Variants in PDZRN4 observed in about 807,000 individuals in gnomAD.
PDZRN4 encodes the protein PDZ domain containing ring finger 4.
A neutral mutation model predicts 99.0 loss-of-function variants in PDZRN4; 70 were observed. The ratio of observed to expected loss-of-function variants is 0.71; its 90% confidence interval spans 0.58 to 0.86. The LOEUF is 0.86. Among genes scored for constraint, PDZRN4 ranks in the 40% least tolerant of loss-of-function variants. PDZRN4 has a pLI of 0.00. For synonymous variants in PDZRN4, 551 were observed against 501.6 expected (o/e 1.10, Z -1.32); for missense variants, 1,474 against 1,331.2 (o/e 1.11, Z -1.67).
chr12:41,509,649 AG>A, intron 4 of PDZRN4, 161 bp from the exon 5 acceptor site: 1 of 455,138 alleles, frequency 2.2e-6, no homozygotes, highest in Non-Finnish European at 3.9e-6. Context: ...AGAGGGAGAA[AG>A]AAAAGCTATT....
chr12:41,198,917 A>T (rs925508646), intron 3 of PDZRN4, among the ~76,000 whole-genome samples: 17 of 152,116 alleles, frequency 1.1e-4, no homozygotes, highest in Non-Finnish European at 2.2e-4. Context: ...TATTTCTGTA[A>T]TGTTATACCT....
At chr12:41,312,356 C>A (rs765577972) in intron 3 of PDZRN4, among the ~76,000 whole-genome samples, 1 of 151,702 alleles carries the variant, frequency 6.6e-6, no homozygotes. Flanking sequence ...ATGTGGCAAA[C>A]GTTGGGTTTG....
intron 3 of PDZRN4, among the ~76,000 whole-genome samples, chr12:41,434,773 C>G (rs1474973319): frequency 6.6e-6 from 1 of 152,120 alleles, no homozygotes; most frequent in Admixed American, 6.5e-5. Context: ...AGTTTATTTT[C>G]TAAGGATACT....
chr12:41,413,686 A>G (rs371179667), intron 3 of PDZRN4, among the ~76,000 whole-genome samples: 2 of 152,198 alleles, frequency 1.3e-5, no homozygotes, highest in East Asian at 1.9e-4. Flanking sequence ...TTTTTAAATT[A>G]AAAATGAGTC....
At chr12:41,219,306 T>A (rs967286535) in intron 3 of PDZRN4, among the ~76,000 whole-genome samples, 2 of 152,018 alleles carry the variant, frequency 1.3e-5, no homozygotes, top group Admixed American at 1.3e-4. Context: ...ATTTTGATGA[T>A]TGAGTAGGAG....
intron 3 of PDZRN4, among the ~76,000 whole-genome samples, chr12:41,217,336 A>G (rs1950927913): frequency 6.6e-6 from 1 of 152,142 alleles, no homozygotes; most frequent in South Asian, 2.1e-4. Flanking sequence ...CCTTATTTTA[A>G]TGCTCTGCTG....
chr12:41,296,946 A>T (rs1951499190), intron 3 of PDZRN4, among the ~76,000 whole-genome samples: 1 of 152,184 alleles, frequency 6.6e-6, no homozygotes, highest in Non-Finnish European at 1.5e-5. Context: ...CAAGAGAGCA[A>T]GACCCTGACT....
At chr12:41,443,617 C>G (rs1310814906) in intron 3 of PDZRN4, among the ~76,000 whole-genome samples, 2 of 152,062 alleles carry the variant, frequency 1.3e-5, no homozygotes, top group African/African-American at 4.8e-5. Context: ...AGCAAGACTA[C>G]AACAAGCGAA....
Position 41,394,648 on chromosome 12 carries a change from C to T in PDZRN4, c.844-111808C>T, listed in dbSNP as rs577119046. ...GGGAGATTTTGCTTCCACAGTCACT[C>T]ATGTGGTTGTTAGAGGTCTTAGTTC... On this transcript the variant is annotated intron_variant, in intron 3 of 9. Transcript: ENST00000402685. Among the ~76,000 whole-genome samples, 4 of 152,202 alleles carry T rather than the reference C, an allele frequency of 2.6e-5. No individual in the cohort carries two copies. In the South Asian group the frequency reaches 8.3e-4, roughly 32 times the overall value.
chr12:41,196,492 G>A (rs1057306563), intron 3 of PDZRN4, among the ~76,000 whole-genome samples: 3 of 152,090 alleles, frequency 2.0e-5, no homozygotes, highest in Non-Finnish European at 2.9e-5. Context: ...TAAATAGCAT[G>A]AAATATTTTA....
chr12:41,322,453 A>G (rs929364644), intron 3 of PDZRN4, among the ~76,000 whole-genome samples: 1 of 150,132 alleles, frequency 6.7e-6, no homozygotes, highest in Non-Finnish European at 1.5e-5. Context: ...GGAATGTTGT[A>G]TAAAACGAAC....
At chr12:41,245,793 A>C (rs1055727540) in intron 3 of PDZRN4, among the ~76,000 whole-genome samples, 1 of 152,220 alleles carries the variant, frequency 6.6e-6, no homozygotes, top group Non-Finnish European at 1.5e-5. Context: ...CATGGAAATC[A>C]AAGCAAGAAC....
chr12:41,471,106 C>G (rs907400629), intron 3 of PDZRN4, among the ~76,000 whole-genome samples: 9 of 152,180 alleles, frequency 5.9e-5, no homozygotes, highest in Middle Eastern at 3.2e-3. Flanking sequence ...GAAATGACCC[C>G]TTTAAGAAAC....
rs1311072531 is a variant in PDZRN4, at chr12:41,351,458, G to C, written c.844-154998G>C. Among the ~76,000 whole-genome samples, 3 of 152,148 alleles carry C rather than the reference G, an allele frequency of 2.0e-5. No individual in the cohort carries two copies. The East Asian group carries it at 5.8e-4, about 30-fold the overall frequency. On this transcript the variant is annotated intron_variant, in intron 3 of 9. Transcript: ENST00000402685. ...ATTGGGTAATTTACAAAGAAAAGAG[G>C]TTTAATTGGCTTATGGTTCTATAGG...
rs558599282 is a variant in PDZRN4 at position 41,282,036 on chromosome 12, T to A, written c.843+87848T>A. Among the ~76,000 whole-genome samples the A allele has an allele frequency of 9.1e-4, 139 of 152,274 alleles. 1 individual carries two copies. The South Asian group carries it at 0.027, about 30-fold the overall frequency. ...CATACATAACAATATTAACCTTAAA[T>A]GTAACCGTGCTAAATGCCCCAATTA... is the stretch of plus-strand genomic sequence containing the variant. On this transcript the variant is annotated intron_variant, in intron 3 of 9. Coordinates refer to ENST00000402685, the MANE Select transcript of PDZRN4 (RefSeq NM_001164595.2).
At chr12:41,327,926 T>C (rs890324664) in intron 3 of PDZRN4, among the ~76,000 whole-genome samples, 1 of 152,184 alleles carries the variant, frequency 6.6e-6, no homozygotes. Flanking sequence ...ATATTTGTTT[T>C]AGTCTTACTG....
intron 3 of PDZRN4, among the ~76,000 whole-genome samples, chr12:41,207,776 A>T (rs953306186): frequency 1.3e-5 from 2 of 151,866 alleles, no homozygotes; most frequent in Admixed American, 6.6e-5. Flanking sequence ...TGACATGGTC[A>T]ATTTCATCAG....
At chr12:41,475,361 T>A (rs1422722076) in intron 3 of PDZRN4, among the ~76,000 whole-genome samples, 5 of 152,144 alleles carry the variant, frequency 3.3e-5, no homozygotes, top group Admixed American at 1.3e-4. Flanking sequence ...GCCTGTAAAA[T>A]TGTAGGGTAA....
intron 3 of PDZRN4, among the ~76,000 whole-genome samples, chr12:41,203,303 T>C (rs1950829031): frequency 6.6e-6 from 1 of 151,966 alleles, no homozygotes; most frequent in Admixed American, 6.6e-5. Flanking sequence ...AAGACTTCCT[T>C]GGTATTCTGG....
Sources: gnomAD v4.1 joint callset for allele counts (sites outside exome capture counted in the v4.1 genomes callset) on GRCh38, gnomAD v4.1.1 for gene constraint, MANE v1.5 for transcripts, NCBI Gene and HGNC (gene_info 2026-07-23, HGNC 2026-07-21) for gene names.